The following AGBL4 variants were observed in gnomAD, a reference collection of about 807,000 sequenced individuals.
AGBL4 encodes AGBL carboxypeptidase 4.
Under a neutral mutation model 66.4 loss-of-function variants are expected in AGBL4, and 58 were observed. The observed-to-expected ratio is 0.87, with a 90% CI of 0.71 to 1.09. The LOEUF is 1.09. Ranked by LOEUF, AGBL4 falls within the 50% of genes least tolerant of loss-of-function variation. The probability of loss-of-function intolerance (pLI) is 0.00; values close to 1 mark genes in which losing one functional copy is unlikely to be tolerated. For synonymous variants in AGBL4, 234 were observed against 222.9 expected, an observed-to-expected ratio of 1.05 and a Z score of -0.44; for missense variants, 579 against 631.0, an observed-to-expected ratio of 0.92 and a Z score of 0.88.
intron 3 of AGBL4, among the ~76,000 whole-genome samples, chr1:49,645,767 C>G (rs1413353893): frequency 1.5e-5 from 1 of 67,342 alleles, no homozygotes; most frequent in African/African-American, 5.8e-5. Flanking sequence ...AACATAGATG[C>G]AAAAAAAAAA....
At chr1:49,375,838 G>T (rs190500839) in intron 3 of AGBL4, among the ~76,000 whole-genome samples, 52 of 152,146 alleles carry the variant, frequency 3.4e-4, no homozygotes, top group African/African-American at 9.9e-4. Flanking sequence ...GCTATTTCAC[G>T]CAAGGCCTTC....
chr1:49,938,159 G>C (rs1654311007), intron 1 of AGBL4, among the ~76,000 whole-genome samples: 1 of 151,344 alleles, frequency 6.6e-6, no homozygotes, highest in Admixed American at 6.6e-5. Flanking sequence ...AATGATAAAG[G>C]GGATATCACC....
At chr1:49,774,859 G>C (rs140420312) in intron 2 of AGBL4, among the ~76,000 whole-genome samples, 63 of 152,184 alleles carry the variant, frequency 4.1e-4, no homozygotes, top group Non-Finnish European at 1.8e-4. Flanking sequence ...CATACCCTTT[G>C]ACTCAGCAAC....
chr1:48,589,545 C>T (rs574728231), intron 10 of AGBL4, among the ~76,000 whole-genome samples: 1 of 152,262 alleles, frequency 6.6e-6, no homozygotes, highest in African/African-American at 2.4e-5. Context: ...CATACTGATC[C>T]CCTCCTTATC....
chr1:49,480,834 A>G (rs1646940544), intron 3 of AGBL4, among the ~76,000 whole-genome samples: 1 of 152,096 alleles, frequency 6.6e-6, no homozygotes, highest in African/African-American at 2.4e-5. Context: ...GAAGGGATCC[A>G]GTTTCATTTT....
At chr1:48,835,908 A>C (rs1438667077) in intron 6 of AGBL4, among the ~76,000 whole-genome samples, 2 of 152,228 alleles carry the variant, frequency 1.3e-5, no homozygotes, top group East Asian at 3.9e-4. Flanking sequence ...ACTGGGGCAG[A>C]GGAGGAATAT....
At chr1:49,526,274 A>G (rs946660690) in intron 3 of AGBL4, among the ~76,000 whole-genome samples, 2 of 150,326 alleles carry the variant, frequency 1.3e-5, no homozygotes, top group Non-Finnish European at 2.9e-5. Flanking sequence ...AAAAAGATAT[A>G]AAGAGAAAAA....
chr1:49,730,794 A>T (rs1299658836), intron 2 of AGBL4, among the ~76,000 whole-genome samples: 1 of 152,216 alleles, frequency 6.6e-6, no homozygotes, highest in South Asian at 2.1e-4. Context: ...AAGCCCAGGC[A>T]GAGGCATCAT....
At chr1:48,723,931 G>C (rs969218192) in intron 6 of AGBL4, among the ~76,000 whole-genome samples, 1 of 152,236 alleles carries the variant, frequency 6.6e-6, no homozygotes, top group East Asian at 1.9e-4. Flanking sequence ...GTGAGTAGGG[G>C]CTGAGGTAGG....
intron 4 of AGBL4, chr1:49,187,177 G>A (rs567389654): frequency 1.3e-5 from 2 of 152,204 alleles, no homozygotes; most frequent in South Asian, 4.1e-4. Flanking sequence ...GAATATTCTT[G>A]TGCCAGCTGT....
intron 1 of AGBL4, among the ~76,000 whole-genome samples, chr1:49,918,035 A>G (rs1651753742): frequency 6.6e-6 from 1 of 152,230 alleles, no homozygotes; most frequent in African/African-American, 2.4e-5. Context: ...TTTGAAACCA[A>G]TGAGAACAAA....
intron 4 of AGBL4, among the ~76,000 whole-genome samples, chr1:49,059,837 G>T (rs1383216231): frequency 6.6e-6 from 1 of 152,076 alleles, no homozygotes; most frequent in African/African-American, 2.4e-5. Flanking sequence ...CTTGCATGGG[G>T]CCTGTTGGTC....
chr1:49,536,231 G>C (rs1226924408), intron 3 of AGBL4, among the ~76,000 whole-genome samples: 2 of 152,112 alleles, frequency 1.3e-5, no homozygotes, highest in Non-Finnish European at 2.9e-5. Context: ...AAAATGGAAA[G>C]AGTTGTGGTG....
chr1:48,884,759 C>T (rs1650144396), intron 5 of AGBL4, among the ~76,000 whole-genome samples: 1 of 151,982 alleles, frequency 6.6e-6, no homozygotes, highest in Non-Finnish European at 1.5e-5. Context: ...GTCTCTGTTT[C>T]AGTGGTTTTA....
At chr1:48,850,718 T>C (rs1310524504) in intron 6 of AGBL4, among the ~76,000 whole-genome samples, 1 of 152,154 alleles carries the variant, frequency 6.6e-6, no homozygotes, top group African/African-American at 2.4e-5. Context: ...GGTTTCACCA[T>C]GTTGCCCAGG....
chr1:49,120,386 T>G (rs1447882661), intron 4 of AGBL4, among the ~76,000 whole-genome samples: 3 of 152,216 alleles, frequency 2.0e-5, no homozygotes, highest in Admixed American at 6.5e-5. Context: ...ACAAAATCTA[T>G]CAGCATTTGC....
intron 3 of AGBL4, among the ~76,000 whole-genome samples, chr1:49,652,606 C>G (rs909214064): frequency 1.3e-5 from 2 of 152,112 alleles, no homozygotes; most frequent in Non-Finnish European, 2.9e-5. Context: ...GTAGGGATGG[C>G]CACCATCACT....
chr1:49,859,081 C>A (rs1290434313), intron 1 of AGBL4, among the ~76,000 whole-genome samples: 1 of 151,934 alleles, frequency 6.6e-6, no homozygotes, highest in Non-Finnish European at 1.5e-5. Flanking sequence ...TACAAAACCA[C>A]AATTATGTTT....
intron 2 of AGBL4, among the ~76,000 whole-genome samples, chr1:49,738,132 G>C (rs1023335082): frequency 6.6e-6 from 1 of 152,254 alleles, no homozygotes; most frequent in Non-Finnish European, 1.5e-5. Context: ...GGAAGAGAAA[G>C]GGATTAGGGA....
Sources: gnomAD v4.1 joint callset for allele counts (sites outside exome capture counted in the v4.1 genomes callset) on GRCh38, gnomAD v4.1.1 for gene constraint, MANE v1.5 for transcripts, NCBI Gene and HGNC (gene_info 2026-07-23, HGNC 2026-07-21) for gene names.